The following LRRTM4 variants were observed in gnomAD, a reference collection of about 807,000 sequenced individuals.
LRRTM4 encodes leucine rich repeat transmembrane neuronal 4.
A neutral mutation model predicts 47.6 loss-of-function variants in LRRTM4; 25 were observed. That is an observed-to-expected ratio of 0.53 (90% CI 0.38 to 0.73). The LOEUF (loss-of-function observed/expected upper bound fraction) is 0.73. Ranked by LOEUF, LRRTM4 falls within the 30% of genes least tolerant of loss-of-function variation. The probability of loss-of-function intolerance (pLI) is 0.00; values close to 1 mark genes in which losing one functional copy is unlikely to be tolerated. For synonymous variants in LRRTM4, 311 were observed against 269.5 expected, an observed-to-expected ratio of 1.15 and a Z score of -1.51; for missense variants, 638 against 713.4, an observed-to-expected ratio of 0.89 and a Z score of 1.20.
In LRRTM4 at chr2:76,882,305, T is replaced by C. The variant is rs142824486; in HGVS notation, c.1552-133389A>G. 2.5e-3 allele frequency among the ~76,000 whole-genome samples: 379 copies of C among 152,156 alleles called. 3 individuals carry two copies. Among genetic ancestry groups the C allele is most frequent in the Non-Finnish European group, 3.7e-3 (249 of 68,014 alleles). On this transcript the variant is annotated intron_variant, in intron 3 of 3. Coordinates refer to ENST00000409884, the MANE Select transcript of LRRTM4 (RefSeq NM_001134745.3). Reference sequence around the variant, plus strand: ...TAATAATATTTTACTTAACTTTTACTGAAACATTATTTATTATTATATTTT... The same window carrying C: ...TAATAATATTTTACTTAACTTTTACCGAAACATTATTTATTATTATATTTT...
chr2:77,251,233 A>AGG (rs1187961552), intron 3 of LRRTM4, among the ~76,000 whole-genome samples: 2 of 69,776 alleles, frequency 2.9e-5, no homozygotes, highest in African/African-American at 9.4e-5. Context: ...ATATACATAT[A>AGG]GGTGTGTGTG....
intron 3 of LRRTM4, among the ~76,000 whole-genome samples, chr2:76,803,887 T>A (rs1448122028): frequency 2.0e-5 from 3 of 152,146 alleles, no homozygotes; most frequent in African/African-American, 7.2e-5. Context: ...GAAATTTGAA[T>A]ATGTGCTGGA....
intron 3 of LRRTM4, among the ~76,000 whole-genome samples, chr2:77,212,809 C>T (rs985241014): frequency 1.3e-5 from 2 of 152,006 alleles, no homozygotes; most frequent in African/African-American, 2.4e-5. Flanking sequence ...ATTGTTTATA[C>T]AATCATTTTC....
At chr2:77,133,535 T>C (rs562310641) in intron 3 of LRRTM4, among the ~76,000 whole-genome samples, 4 of 152,306 alleles carry the variant, frequency 2.6e-5, no homozygotes, top group South Asian at 4.1e-4. Context: ...TAAGTGATAA[T>C]TGAATAAGAT....
chr2:76,926,778 A>T (rs181407430), intron 3 of LRRTM4, among the ~76,000 whole-genome samples: 7 of 152,220 alleles, frequency 4.6e-5, no homozygotes, highest in Admixed American at 4.6e-4. Context: ...AACTGTAAGC[A>T]AGTAAAATTT....
At chr2:77,056,241 A>C (rs963042653) in intron 3 of LRRTM4, among the ~76,000 whole-genome samples, 2 of 143,620 alleles carry the variant, frequency 1.4e-5, no homozygotes, top group African/African-American at 5.0e-5. Context: ...AAAATAAGGC[A>C]GTTTAGAGAG....
intron 3 of LRRTM4, among the ~76,000 whole-genome samples, chr2:76,875,687 T>G (rs1379142155): frequency 3.3e-5 from 5 of 152,298 alleles, no homozygotes; most frequent in African/African-American, 1.2e-4. Flanking sequence ...ACTATCTTAA[T>G]ACCTAATTAC....
intron 3 of LRRTM4, among the ~76,000 whole-genome samples, chr2:76,992,397 T>C (rs1677040669): frequency 6.6e-6 from 1 of 151,696 alleles, no homozygotes; most frequent in South Asian, 2.1e-4. Flanking sequence ...AGACTTTGCC[T>C]AAAGTCTAAT....
chr2:77,370,166 CTG>C (rs1342142763), intron 3 of LRRTM4, among the ~76,000 whole-genome samples: 1 of 151,634 alleles, frequency 6.6e-6, no homozygotes, highest in Non-Finnish European at 1.5e-5. Flanking sequence ...GTTGAGAAGA[CTG>C]GAGTTGAGAA....
chr2:77,251,414 G>T lies in LRRTM4; in HGVS notation c.1551+266904C>A, dbSNP rs149535661. Among the ~76,000 whole-genome samples the T allele has an allele frequency of 8.2e-4, 125 of 151,840 alleles. 2 individuals carry two copies. The East Asian group carries it at 0.022, about 26-fold the overall frequency. On this transcript the variant is annotated intron_variant, in intron 3 of 3. Transcript: ENST00000409884. Reference sequence around the variant, plus strand: ...GGAAATGGAGGAAGAAAGAGAACAAGAAGTCACTACATGGGAATGGAATTG... The same window carrying T: ...GGAAATGGAGGAAGAAAGAGAACAATAAGTCACTACATGGGAATGGAATTG...
intron 3 of LRRTM4, among the ~76,000 whole-genome samples, chr2:76,929,914 G>A (rs1187605087): frequency 7.1e-6 from 1 of 141,392 alleles, no homozygotes; most frequent in African/African-American, 2.7e-5. Flanking sequence ...TGTGATAATT[G>A]CAATTAGAGT....
intron 3 of LRRTM4, among the ~76,000 whole-genome samples, chr2:77,083,082 T>C (rs979447882): frequency 6.6e-6 from 1 of 152,208 alleles, no homozygotes; most frequent in Non-Finnish European, 1.5e-5. Context: ...CTTATGTTTC[T>C]GTTTTTAGTA....
intron 3 of LRRTM4, among the ~76,000 whole-genome samples, chr2:77,487,710 G>T (rs548166005): frequency 6.6e-6 from 1 of 152,250 alleles, no homozygotes; most frequent in South Asian, 2.1e-4. Flanking sequence ...GAAGTCTGGG[G>T]ACCAGGCTGC....
intron 3 of LRRTM4, among the ~76,000 whole-genome samples, chr2:77,465,950 T>C (rs770159794): frequency 2.0e-5 from 3 of 152,140 alleles, no homozygotes; most frequent in Admixed American, 1.3e-4. Flanking sequence ...TCAAATGCAA[T>C]ATGGACTGTT....
chr2:77,139,736 GC>G (rs1672061197), intron 3 of LRRTM4, among the ~76,000 whole-genome samples: 2 of 152,138 alleles, frequency 1.3e-5, no homozygotes, highest in South Asian at 4.1e-4. Flanking sequence ...TATCGTCTCA[GC>G]CCCAAATCTC....
intron 3 of LRRTM4, among the ~76,000 whole-genome samples, chr2:76,832,113 A>G (rs1310124651): frequency 6.6e-6 from 1 of 152,102 alleles, no homozygotes; most frequent in African/African-American, 2.4e-5. Context: ...CATTCACTCT[A>G]TAATACACTG....
chr2:77,069,295 T>C (rs1470117309), intron 3 of LRRTM4, among the ~76,000 whole-genome samples: 1 of 152,088 alleles, frequency 6.6e-6, no homozygotes, highest in Non-Finnish European at 1.5e-5. Context: ...ATGAATATAA[T>C]AATACTATTA....
At chr2:77,103,667 A>ATATATATATATATATATCTATC (rs145819033) in intron 3 of LRRTM4, among the ~76,000 whole-genome samples, 1 of 146,274 alleles carries the variant, frequency 6.8e-6, no homozygotes, top group African/African-American at 2.6e-5. Context: ...ATATATAGAT[A>ATATATATATATATATATCTATC]TATATATCAC....
intron 3 of LRRTM4, among the ~76,000 whole-genome samples, chr2:76,787,476 T>C (rs752108351): frequency 3.3e-5 from 5 of 151,970 alleles, no homozygotes. Flanking sequence ...CTAAGGTCAA[T>C]ACAAAATATT....
Sources: allele counts gnomAD v4.1 joint callset (sites outside exome capture counted in the v4.1 genomes callset), GRCh38; gene constraint gnomAD v4.1.1; transcripts MANE v1.5; gene names NCBI Gene and HGNC (gene_info 2026-07-23, HGNC 2026-07-21).